Variants in CALN1 observed in about 807,000 individuals in gnomAD.
CALN1 encodes the protein calneuron 1.
In CALN1, 17 loss-of-function variants were observed where a neutral mutation model predicts 30.6. The observed-to-expected ratio is 0.56, with a 90% confidence interval of 0.38 to 0.83. CALN1 has a LOEUF of 0.83. Among genes scored for constraint, CALN1 ranks in the 40% least tolerant of loss-of-function variants. CALN1 has a pLI of 0.00. For missense variants in CALN1, 291 were observed against 354.9 expected (o/e 0.82, Z 1.45); for synonymous variants, 156 against 131.4 (o/e 1.19, Z -1.28).
chr7:71,817,487 T>A (rs1788333222), intron 5 of CALN1, among the ~76,000 whole-genome samples: 1 of 152,258 alleles, frequency 6.6e-6, no homozygotes, highest in Non-Finnish European at 1.5e-5. Context: ...AGGTCAGTTA[T>A]ACAAATATAT....
intron 5 of CALN1, among the ~76,000 whole-genome samples, chr7:71,927,929 A>G (rs1348931722): frequency 6.6e-6 from 1 of 152,194 alleles, no homozygotes; most frequent in Non-Finnish European, 1.5e-5. Context: ...TCAAACACCC[A>G]GGAATGGAAG....
At chr7:72,298,912 G>A (rs996275460) in intron 2 of CALN1, among the ~76,000 whole-genome samples, 3 of 151,890 alleles carry the variant, frequency 2.0e-5, no homozygotes, top group South Asian at 2.1e-4. Flanking sequence ...GCTTTCCTCC[G>A]TGATTGTGAG....
chr7:72,124,075 C>G (rs979383165), intron 3 of CALN1, among the ~76,000 whole-genome samples: 3 of 152,174 alleles, frequency 2.0e-5, no homozygotes, highest in African/African-American at 7.2e-5. Flanking sequence ...AGTAGGCCAA[C>G]TATTTCAGAA....
At chr7:72,003,084 G>T (rs1318367835) in intron 5 of CALN1, among the ~76,000 whole-genome samples, 1 of 152,084 alleles carries the variant, frequency 6.6e-6, no homozygotes, top group Non-Finnish European at 1.5e-5. Flanking sequence ...ATGTTAATTA[G>T]CTTGATTTAG....
intron 4 of CALN1, among the ~76,000 whole-genome samples, chr7:72,054,562 A>C (rs1326920340): frequency 1.4e-5 from 2 of 141,044 alleles, no homozygotes; most frequent in African/African-American, 2.8e-5. Flanking sequence ...TATATATATA[A>C]TGGAATACTA....
At chr7:72,030,282 G>A (rs765633753) in intron 4 of CALN1, among the ~76,000 whole-genome samples, 4 of 152,158 alleles carry the variant, frequency 2.6e-5, no homozygotes, top group Non-Finnish European at 5.9e-5. Context: ...GGAACAATCA[G>A]GATAGGTCCC....
chr7:71,952,767 A>C (rs540320217), intron 5 of CALN1, among the ~76,000 whole-genome samples: 73 of 152,062 alleles, frequency 4.8e-4, no homozygotes, highest in African/African-American at 1.6e-3. Flanking sequence ...ACCAAGCCCC[A>C]CCATGCTCTT....
intron 4 of CALN1, among the ~76,000 whole-genome samples, chr7:72,025,425 G>T (rs1229626406): frequency 6.6e-6 from 1 of 152,208 alleles, no homozygotes; most frequent in East Asian, 1.9e-4. Flanking sequence ...CAAGGACTTG[G>T]TCTGAAACAT....
intron 5 of CALN1, among the ~76,000 whole-genome samples, chr7:71,852,330 G>GTATT (rs1395908925): frequency 6.6e-6 from 1 of 152,040 alleles, no homozygotes; most frequent in Non-Finnish European, 1.5e-5. Context: ...GAACAAGTAT[G>GTATT]TATTTAGCTT....
chr7:71,788,818 C>T (rs544162980), intron 6 of CALN1, among the ~76,000 whole-genome samples: 46 of 152,000 alleles, frequency 3.0e-4, no homozygotes, highest in South Asian at 1.0e-3. Context: ...CCACCATGCC[C>T]GGCTAATTTT....
intron 4 of CALN1, among the ~76,000 whole-genome samples, chr7:72,044,693 G>A (rs1802358709): frequency 6.9e-6 from 1 of 145,374 alleles, no homozygotes; most frequent in Admixed American, 7.2e-5. Context: ...CTCATTGCAG[G>A]CTCGAACTCC....
chr7:72,003,293 T>A (rs1257215973), intron 5 of CALN1, among the ~76,000 whole-genome samples: 2 of 152,218 alleles, frequency 1.3e-5, no homozygotes, highest in Non-Finnish European at 2.9e-5. Context: ...TATAGGATCT[T>A]TATTCTTAAA....
At chr7:72,288,548 A>T (rs1190366787) in intron 2 of CALN1, among the ~76,000 whole-genome samples, 4 of 152,216 alleles carry the variant, frequency 2.6e-5, no homozygotes, top group Non-Finnish European at 5.9e-5. Flanking sequence ...ATGTATTTTA[A>T]AAACACCTTA....
At chr7:72,124,572 A>C (rs1808609396) in intron 3 of CALN1, among the ~76,000 whole-genome samples, 1 of 152,122 alleles carries the variant, frequency 6.6e-6, no homozygotes, top group South Asian at 2.1e-4. Context: ...GGATTGCTTA[A>C]GCCCAGAAGT....
chr7:72,368,918 G>A (rs991611187), intron 2 of CALN1, among the ~76,000 whole-genome samples: 15 of 148,604 alleles, frequency 1.0e-4, no homozygotes, highest in Admixed American at 2.7e-4. Flanking sequence ...GGGTTCAAGC[G>A]ATTCTCCTGC....
chr7:72,119,429 T>A (rs1808223913), intron 3 of CALN1, among the ~76,000 whole-genome samples: 1 of 151,534 alleles, frequency 6.6e-6, no homozygotes, highest in South Asian at 2.1e-4. Context: ...TCCCACCGGG[T>A]CCCTCCCATA....
intron 1 of CALN1, among the ~76,000 whole-genome samples, chr7:72,442,816 C>G (rs1250738103): frequency 1.3e-5 from 2 of 151,722 alleles, no homozygotes; most frequent in Non-Finnish European, 2.9e-5. Context: ...TAGAATTGCA[C>G]TTTGTTAAGG....
chr7:72,419,042 C>A (rs1807520943), intron 1 of CALN1, among the ~76,000 whole-genome samples: 1 of 152,028 alleles, frequency 6.6e-6, no homozygotes, highest in African/African-American at 2.4e-5. Flanking sequence ...GTTTGGCGGA[C>A]CTCTACCCAT....
At chr7:72,223,204 T>TC (rs1793432677) in intron 3 of CALN1, among the ~76,000 whole-genome samples, 2 of 151,916 alleles carry the variant, frequency 1.3e-5, no homozygotes, top group African/African-American at 4.8e-5. Flanking sequence ...AGAAGAGGGG[T>TC]TCCCATTCTT....
Sources: allele counts gnomAD v4.1 joint callset (sites outside exome capture counted in the v4.1 genomes callset), GRCh38; gene constraint gnomAD v4.1.1; transcripts MANE v1.5; gene names NCBI Gene and HGNC (gene_info 2026-07-23, HGNC 2026-07-21).